Variants in CDK6 observed in about 807,000 individuals in gnomAD.
CDK6 encodes the protein cyclin-dependent kinase 6.
A neutral mutation model predicts 37.1 loss-of-function variants in CDK6; 6 were observed. That is an observed-to-expected ratio of 0.16 (90% CI 0.09 to 0.32). CDK6 has a LOEUF of 0.32. Among genes scored for constraint, CDK6 ranks in the 10% least tolerant of loss-of-function variants. The pLI is 1.00. For synonymous variants in CDK6, 160 were observed against 161.3 expected (o/e 0.99, Z 0.06); for missense variants, 224 against 418.9 (o/e 0.53, Z 4.06).
At position 92,606,039 on chromosome 7, in the gene CDK6, T is replaced by C. The variant is rs1476535632; in HGVS notation, c.*9101A>G. On this transcript the variant is annotated 3_prime_UTR_variant, in exon 8 of 8. Coordinates refer to ENST00000424848, the MANE Select transcript of CDK6 (RefSeq NM_001145306.2). ...TCTGTAGCAATATAAGCAAACGGAA[T>C]AAGAATAATTATGCACCTTTAAGGA... 4.3e-6 allele frequency: 1 copy of C among 233,544 alleles called. No homozygotes were observed. Among genetic ancestry groups the C allele is most frequent in the Non-Finnish European group, 8.5e-6 (1 of 118,028 alleles). The allele number at this position is 233,544 out of a possible 1,614,324, so 14.5% of individuals were successfully genotyped here. A position where few individuals can be genotyped will look rare whatever the true frequency, so the allele number is the denominator to read the frequency against.
At chr7:92,794,185 CACTT>C (rs1326063556) in intron 2 of CDK6, among the ~76,000 whole-genome samples, 1 of 152,150 alleles carries the variant, frequency 6.6e-6, no homozygotes, top group Non-Finnish European at 1.5e-5. Context: ...AAATAGCTAA[CACTT>C]ACTGAGTGCT....
intron 6 of CDK6, 99 bp from the exon 7 acceptor site, chr7:92,618,306 G>C: frequency 5.0e-6 from 6 of 1,195,268 alleles, no homozygotes; most frequent in Non-Finnish European, 7.2e-6. Context: ...GGGGAGACAT[G>C]GGGGGCAGAG....
intron 3 of CDK6, among the ~76,000 whole-genome samples, chr7:92,770,382 A>G (rs1799682241): frequency 1.7e-5 from 2 of 117,466 alleles, no homozygotes; most frequent in African/African-American, 6.8e-5. Flanking sequence ...AGAATCACCT[A>G]TGATTTTATT....
At chr7:92,695,120 T>G (rs1797679465) in intron 4 of CDK6, among the ~76,000 whole-genome samples, 1 of 152,102 alleles carries the variant, frequency 6.6e-6, no homozygotes, top group African/African-American at 2.4e-5. Context: ...TAATAGACTT[T>G]TAAAGAACCA....
At chr7:92,731,709 A>G (rs1798655286) in intron 3 of CDK6, among the ~76,000 whole-genome samples, 2 of 152,192 alleles carry the variant, frequency 1.3e-5, no homozygotes, top group African/African-American at 4.8e-5. Flanking sequence ...GGAAGTGATG[A>G]TAATGCTGAG....
At chr7:92,644,324 G>A (rs1274430771) in intron 5 of CDK6, among the ~76,000 whole-genome samples, 2 of 152,162 alleles carry the variant, frequency 1.3e-5, no homozygotes, top group Non-Finnish European at 2.9e-5. Context: ...ATGGGGTTGG[G>A]ACAAGTGGCT....
chr7:92,779,112 C>T (rs139223265), intron 2 of CDK6, among the ~76,000 whole-genome samples: 183 of 152,090 alleles, frequency 1.2e-3, no homozygotes, highest in African/African-American at 4.2e-3. Flanking sequence ...CTTCATCTCA[C>T]TGAAACCGTT....
At chr7:92,778,303 A>G (rs1346780772) in intron 2 of CDK6, among the ~76,000 whole-genome samples, 1 of 152,128 alleles carries the variant, frequency 6.6e-6, no homozygotes, top group Non-Finnish European at 1.5e-5. Context: ...TTTTTTCCTC[A>G]CATTTATCTA....
chr7:92,696,299 C>T (rs1797717982), intron 4 of CDK6, among the ~76,000 whole-genome samples: 1 of 152,096 alleles, frequency 6.6e-6, no homozygotes, highest in Non-Finnish European at 1.5e-5. Flanking sequence ...AACAGGCCAA[C>T]TTAAAAAGCA....
chr7:92,682,271 A>C (rs1283663974), intron 4 of CDK6, among the ~76,000 whole-genome samples: 1 of 152,192 alleles, frequency 6.6e-6, no homozygotes, highest in African/African-American at 2.4e-5. Context: ...CAATGCTCTC[A>C]TAATCTGGTT....
At chr7:92,774,921 A>G (rs1584076404) in intron 2 of CDK6, 90 bp from the exon 3 acceptor site, 2 of 1,259,390 alleles carry the variant, frequency 1.6e-6, no homozygotes, top group African/African-American at 3.1e-5. Context: ...TTGGTCTCAT[A>G]ATAGAAAAAA....
At chr7:92,807,599 T>A (rs188627768) in intron 2 of CDK6, among the ~76,000 whole-genome samples, 16 of 152,026 alleles carry the variant, frequency 1.1e-4, no homozygotes, top group Admixed American at 9.2e-4. Flanking sequence ...ATTTTTCTTC[T>A]GGTTTCTCAT....
intron 3 of CDK6, among the ~76,000 whole-genome samples, chr7:92,751,575 C>T (rs550547109): frequency 1.8e-4 from 27 of 152,226 alleles, no homozygotes; most frequent in African/African-American, 3.4e-4. Context: ...TTATCACATA[C>T]GCAGTTTTAT....
intron 5 of CDK6, among the ~76,000 whole-genome samples, chr7:92,653,482 G>C (rs940085453): frequency 9.9e-5 from 15 of 152,216 alleles, no homozygotes; most frequent in African/African-American, 3.6e-4. Flanking sequence ...ATAGAAAAGG[G>C]AATGTTAGAG....
rs1470484092 is a variant in CDK6 at position 92,611,693 on chromosome 7, C to A, written c.*3447G>T. 2 of 229,138 alleles carry A rather than the reference C, an allele frequency of 8.7e-6. No homozygotes were observed. The highest frequency in any genetic ancestry group is 4.4e-5 in the African/African-American group (2 of 45,118). The allele number at this position is 229,138 out of a possible 1,614,324, so 14.2% of individuals were successfully genotyped here. On this transcript the variant is annotated 3_prime_UTR_variant, in exon 8 of 8. Transcript: ENST00000424848. ...GGATAGTACATTCTGGAGAGTCAAA[C>A]TATACATTTCTCTATAGAAAAGAAA... is the stretch of plus-strand genomic sequence containing the variant.
At chr7:92,806,101 T>C (rs888839740) in intron 2 of CDK6, among the ~76,000 whole-genome samples, 3 of 152,196 alleles carry the variant, frequency 2.0e-5, no homozygotes, top group Non-Finnish European at 2.9e-5. Context: ...TGACCACATA[T>C]GTTATGTATA....
chr7:92,677,317 T>C (rs1797227542), intron 4 of CDK6, among the ~76,000 whole-genome samples: 1 of 152,150 alleles, frequency 6.6e-6, no homozygotes, highest in Non-Finnish European at 1.5e-5. Context: ...GGCCTACATT[T>C]AAAAATAACA....
chr7:92,651,990 T>C (rs1183279129), intron 5 of CDK6, among the ~76,000 whole-genome samples: 2 of 152,192 alleles, frequency 1.3e-5, no homozygotes, highest in African/African-American at 2.4e-5. Context: ...TCCAATAACA[T>C]GAATGAGAGT....
intron 3 of CDK6, among the ~76,000 whole-genome samples, chr7:92,730,158 A>T (rs540683695): frequency 3.3e-4 from 50 of 152,378 alleles, no homozygotes; most frequent in Non-Finnish European, 6.2e-4. Context: ...TTCTGGATAT[A>T]GGGATATATC....
Sources: gnomAD v4.1 joint callset for allele counts (sites outside exome capture counted in the v4.1 genomes callset) on GRCh38, gnomAD v4.1.1 for gene constraint, MANE v1.5 for transcripts, NCBI Gene and HGNC (gene_info 2026-07-23, HGNC 2026-07-21) for gene names.